Variants in EXOC2 observed in about 807,000 individuals in gnomAD.
EXOC2 encodes the protein exocyst complex component 2.
In EXOC2, 70 loss-of-function variants were observed where a neutral mutation model predicts 131.8. That is an observed-to-expected ratio of 0.53 (90% confidence interval 0.44 to 0.65). The LOEUF is 0.65. Ranked by LOEUF, EXOC2 falls within the 30% of genes least tolerant of loss-of-function variation. The pLI is 0.00. For missense variants in EXOC2, 923 were observed against 1,108.6 expected, an observed-to-expected ratio of 0.83 and a Z score of 2.38; for synonymous variants, 411 against 398.4, an observed-to-expected ratio of 1.03 and a Z score of -0.38.
At chr6:594,125 A>G (rs1451534902) in intron 10 of EXOC2, among the ~76,000 whole-genome samples, 1 of 152,224 alleles carries the variant, frequency 6.6e-6, no homozygotes, top group East Asian at 1.9e-4. Flanking sequence ...GAAGAGCTTT[A>G]CTCAGATTAA....
chr6:504,619 T>C (rs1764423671), intron 23 of EXOC2, among the ~76,000 whole-genome samples: 1 of 152,234 alleles, frequency 6.6e-6, no homozygotes, highest in Admixed American at 6.5e-5. Flanking sequence ...TGGAATTTCC[T>C]GGCTAACCCT....
chr6:653,866 G>A (rs532750140), intron 1 of EXOC2, among the ~76,000 whole-genome samples: 1 of 152,210 alleles, frequency 6.6e-6, no homozygotes, highest in South Asian at 2.1e-4. Flanking sequence ...TGACTCTGTT[G>A]TTAGGGGCTA....
intron 1 of EXOC2, among the ~76,000 whole-genome samples, chr6:677,267 T>C (rs1213942662): frequency 6.6e-6 from 1 of 151,970 alleles, no homozygotes; most frequent in African/African-American, 2.4e-5. Context: ...CAGGTTCCCC[T>C]GGCGACTCTG....
chr6:500,823 T>G (rs974942763), intron 23 of EXOC2, among the ~76,000 whole-genome samples: 8 of 151,888 alleles, frequency 5.3e-5, no homozygotes, highest in Non-Finnish European at 1.2e-4. Flanking sequence ...CAGAGTCTCA[T>G]CCACGCTACT....
At chr6:601,237 C>A (rs928973372) in intron 7 of EXOC2, among the ~76,000 whole-genome samples, 4 of 147,442 alleles carry the variant, frequency 2.7e-5, no homozygotes, top group Non-Finnish European at 4.5e-5. Flanking sequence ...CCAAGAACAC[C>A]CCGTGTACGA....
chr6:642,409 T>C (rs1461246009), intron 1 of EXOC2, among the ~76,000 whole-genome samples: 1 of 152,186 alleles, frequency 6.6e-6, no homozygotes, highest in Non-Finnish European at 1.5e-5. Flanking sequence ...GCTGGAGAGC[T>C]GCTTGCTTGG....
At chr6:533,432 T>G (rs531597183) in intron 22 of EXOC2, among the ~76,000 whole-genome samples, 1 of 152,184 alleles carries the variant, frequency 6.6e-6, no homozygotes, top group East Asian at 1.9e-4. Context: ...TCCCCTGGAT[T>G]CTCCCTCCAG....
intron 6 of EXOC2, 44 bp downstream of exon 6, chr6:617,667 C>T: frequency 6.3e-7 from 1 of 1,593,254 alleles, no homozygotes. Context: ...TGCCGGGTTT[C>T]CATGGCGGAA....
intron 1 of EXOC2, among the ~76,000 whole-genome samples, chr6:687,863 G>A (rs930807137): frequency 9.2e-5 from 14 of 152,202 alleles, no homozygotes; most frequent in Admixed American, 6.5e-4. Flanking sequence ...AATTTTAAAA[G>A]GGCAATGTGA....
intron 1 of EXOC2, among the ~76,000 whole-genome samples, chr6:676,662 T>C (rs369310211): frequency 1.4e-3 from 35 of 25,644 alleles, no homozygotes; most frequent in African/African-American, 2.0e-3. Context: ...ACGGAAAGGA[T>C]AGGTTCCTCT....
chr6:691,694 G>A (rs1336328861), intron 1 of EXOC2, among the ~76,000 whole-genome samples: 2 of 152,104 alleles, frequency 1.3e-5, no homozygotes, highest in African/African-American at 4.8e-5. Context: ...TGACTGCGTG[G>A]GCACCCCTAA....
chr6:526,560 C>A (rs1418894483), intron 23 of EXOC2, among the ~76,000 whole-genome samples: 1 of 150,734 alleles, frequency 6.6e-6, no homozygotes, highest in Non-Finnish European at 1.5e-5. Flanking sequence ...CCTGCCTCAA[C>A]CTTCCGAGTA....
At chr6:659,611 G>C (rs1284835933) in intron 1 of EXOC2, among the ~76,000 whole-genome samples, 3 of 152,194 alleles carry the variant, frequency 2.0e-5, no homozygotes, top group Non-Finnish European at 4.4e-5. Flanking sequence ...GAAGCTGAAG[G>C]TCTGTTTGCG....
intron 23 of EXOC2, among the ~76,000 whole-genome samples, chr6:505,502 A>G (rs1243262552): frequency 6.6e-6 from 1 of 151,392 alleles, no homozygotes; most frequent in Admixed American, 6.5e-5. Context: ...CAGAGACAAC[A>G]TTTAAGTGGA....
At chr6:664,321 T>C (rs1763543905) in intron 1 of EXOC2, among the ~76,000 whole-genome samples, 1 of 152,074 alleles carries the variant, frequency 6.6e-6, no homozygotes, top group Admixed American at 6.5e-5. Flanking sequence ...TGAAAACACA[T>C]CCCATGCTCA....
At chr6:572,388 C>T (rs763174469) in intron 13 of EXOC2, 132 bp downstream of exon 13, 12 of 1,178,122 alleles carry the variant, frequency 1.0e-5, no homozygotes, top group Non-Finnish European at 1.3e-5. Context: ...AATGCTTTAA[C>T]TGATTTTAAA....
At chr6:621,430 G>A (rs1484075295) in intron 4 of EXOC2, among the ~76,000 whole-genome samples, 1 of 152,178 alleles carries the variant, frequency 6.6e-6, no homozygotes, top group Non-Finnish European at 1.5e-5. Context: ...AGATCTCGAG[G>A]AGTTCCTCTA....
At chr6:565,253 C>T (rs1757912356) in intron 13 of EXOC2, among the ~76,000 whole-genome samples, 1 of 152,224 alleles carries the variant, frequency 6.6e-6, no homozygotes, top group African/African-American at 2.4e-5. Context: ...CATCAGGTAT[C>T]ATACCCACGA....
At chr6:638,090 G>C (rs1762184952) in intron 1 of EXOC2, among the ~76,000 whole-genome samples, 1 of 152,126 alleles carries the variant, frequency 6.6e-6, no homozygotes, top group Non-Finnish European at 1.5e-5. Context: ...AGAATGCTAA[G>C]CCCTGGGTTC....
Sources: gnomAD v4.1 joint callset for allele counts (sites outside exome capture counted in the v4.1 genomes callset) on GRCh38, gnomAD v4.1.1 for gene constraint, MANE v1.5 for transcripts, NCBI Gene and HGNC (gene_info 2026-07-23, HGNC 2026-07-21) for gene names.